ECPAS: variants seen among roughly 807,000 people sequenced by gnomAD.
ECPAS encodes Ecm29 proteasome adaptor and scaffold.
In ECPAS, 70 loss-of-function variants were observed where a neutral mutation model predicts 255.1. The observed-to-expected ratio is 0.27, with a 90% CI of 0.23 to 0.33. The LOEUF (loss-of-function observed/expected upper bound fraction) is 0.33, where lower values mean the gene tolerates loss of function less well. Among genes scored for constraint, ECPAS ranks in the 10% least tolerant of loss-of-function variants. ECPAS has a pLI of 1.00. For missense variants in ECPAS, 1,817 were observed against 2,206.4 expected, an observed-to-expected ratio of 0.82 and a Z score of 3.54; for synonymous variants, 784 against 775.0, an observed-to-expected ratio of 1.01 and a Z score of -0.19.
In ECPAS at chr9:111,425,792, A is replaced by C. The variant is rs890502691; in HGVS notation, c.1087T>G (p.Ser363Ala). The C allele has an allele frequency of 2.5e-6, 4 of 1,588,268 alleles. No homozygotes were observed. The highest frequency in any genetic ancestry group is 3.4e-6 in the Non-Finnish European group (4 of 1,159,668). Residue 363 changes from serine (S) to alanine (A), a missense_variant, in exon 11 of 50, where the codon TCA (serine) becomes GCA (alanine). This residue lies in a region of ECPAS where 573 missense variants were observed against 716.2 expected (regional missense o/e 0.80). Transcript: ENST00000684092. ...YDGLFGTNTN[S>A]KLRTLSLQFV... Reference sequence around the variant, plus strand: ...TGCAGGGATAATGTTCTTAACTTTGAATTTGTATTTGTACCAAAAAGTCCA... The same window carrying C: ...TGCAGGGATAATGTTCTTAACTTTGCATTTGTATTTGTACCAAAAAGTCCA...
chr9:111,419,577 T>C (rs1027517810), intron 16 of ECPAS, among the ~76,000 whole-genome samples: 1 of 151,810 alleles, frequency 6.6e-6, no homozygotes, highest in Non-Finnish European at 1.5e-5. Context: ...TATACCTCAT[T>C]TAAAAATATA....
chr9:111,467,083 A>G (rs1453416263), intron 2 of ECPAS, among the ~76,000 whole-genome samples: 2 of 152,226 alleles, frequency 1.3e-5, no homozygotes, highest in Admixed American at 6.5e-5. Flanking sequence ...CACAACTTTA[A>G]CTTCTAAATT....
At chr9:111,482,348 T>C (rs965457351) in intron 1 of ECPAS, among the ~76,000 whole-genome samples, 9 of 152,198 alleles carry the variant, frequency 5.9e-5, no homozygotes, top group African/African-American at 2.2e-4. Flanking sequence ...AGCAAGGAAC[T>C]TAATCTCTCC....
intron 24 of ECPAS, among the ~76,000 whole-genome samples, chr9:111,404,643 C>A (rs944985909): frequency 1.3e-5 from 2 of 149,212 alleles, no homozygotes; most frequent in Non-Finnish European, 2.9e-5. Flanking sequence ...TTGTAAGTTT[C>A]CTGAGGCCTT....
intron 31 of ECPAS, among the ~76,000 whole-genome samples, chr9:111,386,786 C>A (rs1189008461): frequency 1.3e-5 from 2 of 152,226 alleles, no homozygotes; most frequent in Non-Finnish European, 2.9e-5. Context: ...ACCTCCATTC[C>A]TTGGCACATG....
At chr9:111,407,428 A>AAAAAAAAAAAGAAAAG (rs751687233) in intron 24 of ECPAS, among the ~76,000 whole-genome samples, 2 of 98,726 alleles carry the variant, frequency 2.0e-5, no homozygotes, top group African/African-American at 6.0e-5. Flanking sequence ...AAAAAAAAAA[A>AAAAAAAAAAAGAAAAG]AAAAAAAAAA....
At chr9:111,373,649 C>G (rs913514010) in intron 39 of ECPAS, among the ~76,000 whole-genome samples, 6 of 152,164 alleles carry the variant, frequency 3.9e-5, no homozygotes, top group South Asian at 2.1e-4. Flanking sequence ...GAACACTAGT[C>G]CAGTCTAGAA....
intron 1 of ECPAS, among the ~76,000 whole-genome samples, chr9:111,483,231 C>G (rs1435728830): frequency 6.6e-6 from 1 of 152,042 alleles, no homozygotes; most frequent in Admixed American, 6.5e-5. Context: ...TCCCCCGACC[C>G]CGGGCCAGGG....
chr9:111,441,088 C>A (rs919847933), intron 5 of ECPAS, among the ~76,000 whole-genome samples: 1 of 151,376 alleles, frequency 6.6e-6, no homozygotes, highest in African/African-American at 2.4e-5. Flanking sequence ...GGAGGCGGAG[C>A]TTGCAGTGAG....
Position 111,484,303 on chromosome 9 carries a change from C to A in ECPAS, c.-270G>T. 1 of 1,567,346 alleles carries A rather than the reference C, an allele frequency of 6.4e-7. No individual in the cohort carries two copies. Among genetic ancestry groups the A allele is most frequent in the Non-Finnish European group, 8.6e-7 (1 of 1,158,798 alleles). ...ATCCTCGAGGCGGGGCCGGAGCGCCCTTTTCCGAGGTCTGCGGCTGTCACG... is the reference window on the plus strand; with the variant it reads ...ATCCTCGAGGCGGGGCCGGAGCGCCATTTTCCGAGGTCTGCGGCTGTCACG... On this transcript the variant is annotated 5_prime_UTR_variant, in exon 1 of 50. The change creates a new upstream start codon in the 5' untranslated region. Transcript: ENST00000684092.
chr9:111,424,606 C>T (rs2098218768), intron 12 of ECPAS, among the ~76,000 whole-genome samples: 1 of 152,008 alleles, frequency 6.6e-6, no homozygotes, highest in African/African-American at 2.4e-5. Flanking sequence ...TCCAAGGAAT[C>T]CTCATCCCAT....
At chr9:111,404,354 T>G (rs1212242114) in intron 24 of ECPAS, among the ~76,000 whole-genome samples, 1 of 149,474 alleles carries the variant, frequency 6.7e-6, no homozygotes, top group Non-Finnish European at 1.5e-5. Flanking sequence ...ACAAAAAAAT[T>G]ATTAGAACTG....
chr9:111,457,370 GAA>G (rs980928254), intron 2 of ECPAS, among the ~76,000 whole-genome samples: 2 of 152,130 alleles, frequency 1.3e-5, no homozygotes, highest in African/African-American at 4.8e-5. Context: ...CCACTAGAGA[GAA>G]AGAAACTGAA....
intron 33 of ECPAS, among the ~76,000 whole-genome samples, chr9:111,385,109 T>C (rs561290274): frequency 3.7e-4 from 57 of 152,310 alleles, no homozygotes; most frequent in African/African-American, 1.3e-3. Context: ...GAGATCTCTA[T>C]TGAAAGAAGG....
intron 24 of ECPAS, among the ~76,000 whole-genome samples, chr9:111,408,152 T>C: frequency 6.6e-6 from 1 of 152,202 alleles, no homozygotes; most frequent in East Asian, 1.9e-4. Flanking sequence ...GTACAGTATC[T>C]TGGCATTTGC....
intron 2 of ECPAS, among the ~76,000 whole-genome samples, chr9:111,452,121 G>A (rs944524164): frequency 6.6e-6 from 1 of 152,092 alleles, no homozygotes; most frequent in South Asian, 2.1e-4. Context: ...TTTAGACAAG[G>A]TAACTTCTTC....
chr9:111,416,759 C>T (rs1391122835), intron 17 of ECPAS, among the ~76,000 whole-genome samples: 1 of 152,150 alleles, frequency 6.6e-6, no homozygotes, highest in Non-Finnish European at 1.5e-5. Flanking sequence ...CTTCAACTCC[C>T]TTAAGGTGCC....
intron 36 of ECPAS, among the ~76,000 whole-genome samples, chr9:111,376,942 G>GT (rs1564501323): frequency 6.6e-6 from 1 of 152,110 alleles, no homozygotes; most frequent in South Asian, 2.1e-4. Flanking sequence ...ATTACCCTTC[G>GT]TATCTATGAA....
intron 1 of ECPAS, among the ~76,000 whole-genome samples, chr9:111,482,126 T>C (rs10980910): frequency 0.064 from 9,766 of 152,212 alleles, 464 homozygotes; most frequent in East Asian, 0.21. Context: ...TTCTTCCAAT[T>C]AAAACAAAAC....
Sources: gnomAD v4.1 joint callset for allele counts (sites outside exome capture counted in the v4.1 genomes callset) on GRCh38, gnomAD v4.1.1 for gene constraint, gnomAD v4.1.1 regional missense constraint, MANE v1.5 for transcripts, NCBI Gene and HGNC (gene_info 2026-07-23, HGNC 2026-07-21) for gene names.